PAIP2: variants seen among roughly 807,000 people sequenced by gnomAD.
PAIP2 encodes polyadenylate-binding protein-interacting protein 2.
In PAIP2, 7 loss-of-function variants were observed where a neutral mutation model predicts 14.8. That is an observed-to-expected ratio of 0.47 (90% CI 0.27 to 0.89). The LOEUF is 0.89. PAIP2 is among the 40% of genes least tolerant of loss of function. PAIP2 has a pLI of 0.13. For synonymous variants in PAIP2, 47 were observed against 45.3 expected (o/e 1.04, Z -0.15); for missense variants, 122 against 154.7 (o/e 0.79, Z 1.12).
intron 1 of PAIP2, among the ~76,000 whole-genome samples, chr5:139,350,893 A>G (rs1194716066): frequency 6.6e-6 from 1 of 152,176 alleles, no homozygotes. Flanking sequence ...AACATGAGGA[A>G]TAAGCTTTCA....
At chr5:139,355,319 A>G (rs906203913) in intron 1 of PAIP2, among the ~76,000 whole-genome samples, 8 of 150,476 alleles carry the variant, frequency 5.3e-5, no homozygotes, top group Non-Finnish European at 1.2e-4. Flanking sequence ...ACAGGCATGC[A>G]CCCCCATGCC....
rs1312278605 is a variant in PAIP2 at position 139,341,977 on chromosome 5, T to C, written c.-30T>C. 1 of 152,620 alleles carries C rather than the reference T, an allele frequency of 6.6e-6. No individual in the cohort carries two copies. Among genetic ancestry groups the C allele is most frequent in the Non-Finnish European group, 1.5e-5 (1 of 68,094 alleles). The allele number at this position is 152,620 out of a possible 1,614,324, so 9.5% of individuals were successfully genotyped here. A position where few individuals can be genotyped will look rare whatever the true frequency, so the allele number is the denominator to read the frequency against. ...TGGCTGCCGTCCCCGCTGCTGTGCA[T>C]TGGGTGAGGGGTCCTCTCGGGCAGA... On this transcript the variant is annotated 5_prime_UTR_variant, in exon 1 of 4. Transcript: ENST00000265192.
intron 3 of PAIP2, among the ~76,000 whole-genome samples, chr5:139,365,758 G>A (rs909796171): frequency 1.3e-5 from 2 of 152,178 alleles, no homozygotes; most frequent in Non-Finnish European, 2.9e-5. Flanking sequence ...TGTAGAGCTA[G>A]TCTTAGACGG....
intron 1 of PAIP2, among the ~76,000 whole-genome samples, chr5:139,363,448 T>C (rs1757130459): frequency 1.3e-5 from 2 of 152,152 alleles, no homozygotes; most frequent in Non-Finnish European, 2.9e-5. Flanking sequence ...CAGCTGGGCC[T>C]GGTGGCTCAT....
At chr5:139,346,228 G>T (rs1264040459) in intron 1 of PAIP2, among the ~76,000 whole-genome samples, 1 of 152,120 alleles carries the variant, frequency 6.6e-6, no homozygotes, top group African/African-American at 2.4e-5. Flanking sequence ...CTGTCGTCTA[G>T]AACAGGATTT....
At chr5:139,354,636 T>TA (rs1756852469) in intron 1 of PAIP2, among the ~76,000 whole-genome samples, 1 of 152,180 alleles carries the variant, frequency 6.6e-6, no homozygotes, top group African/African-American at 2.4e-5. Flanking sequence ...TTCCATTGTA[T>TA]ATATTTTGGC....
intron 1 of PAIP2, among the ~76,000 whole-genome samples, chr5:139,360,060 A>C (rs906162802): frequency 6.6e-6 from 1 of 151,872 alleles, no homozygotes; most frequent in African/African-American, 2.4e-5. Context: ...TCCACCTCTC[A>C]GGTTCAAGCG....
chr5:139,357,659 C>T (rs896018445), intron 1 of PAIP2, among the ~76,000 whole-genome samples: 15 of 152,144 alleles, frequency 9.9e-5, no homozygotes, highest in African/African-American at 3.4e-4. Context: ...GGTGAAACCC[C>T]GCCTCTACTA....
At chr5:139,358,100 C>G (rs936236933) in intron 1 of PAIP2, among the ~76,000 whole-genome samples, 1 of 152,058 alleles carries the variant, frequency 6.6e-6, no homozygotes, top group Admixed American at 6.6e-5. Flanking sequence ...ACAGCTGGGT[C>G]TGGAGGCCCA....
At chr5:139,343,856 TACAGGCGCTTGCCACC>T (rs1756458254) in intron 1 of PAIP2, among the ~76,000 whole-genome samples, 1 of 151,978 alleles carries the variant, frequency 6.6e-6, no homozygotes, top group Non-Finnish European at 1.5e-5. Context: ...TAGCTGGGAC[TACAGGCGCTTGCCACC>T]ACGCCGGCTA....
At chr5:139,347,294 G>C (rs1335393310) in intron 1 of PAIP2, among the ~76,000 whole-genome samples, 2 of 63,604 alleles carry the variant, frequency 3.1e-5, no homozygotes, top group Non-Finnish European at 6.1e-5. Context: ...TTTTTTTTAA[G>C]ACACAGTTCC....
chr5:139,350,155 G>A (rs1245632821), intron 1 of PAIP2, among the ~76,000 whole-genome samples: 1 of 146,726 alleles, frequency 6.8e-6, no homozygotes, highest in African/African-American at 2.5e-5. Flanking sequence ...AGCCTGGGCA[G>A]CAAAGGCGAG....
intron 1 of PAIP2, among the ~76,000 whole-genome samples, chr5:139,353,371 C>T (rs1202229384): frequency 6.6e-6 from 1 of 152,096 alleles, no homozygotes; most frequent in Non-Finnish European, 1.5e-5. Context: ...GGTTTGAGCT[C>T]ATTGACTCTT....
At chr5:139,366,734 C>A (rs1486633092) in intron 3 of PAIP2, among the ~76,000 whole-genome samples, 1 of 152,166 alleles carries the variant, frequency 6.6e-6, no homozygotes, top group Non-Finnish European at 1.5e-5. Context: ...TACTTTGTTT[C>A]ATTCTTCTGT....
intron 3 of PAIP2, among the ~76,000 whole-genome samples, chr5:139,365,975 G>A (rs542793631): frequency 3.9e-5 from 6 of 152,238 alleles, no homozygotes; most frequent in African/African-American, 1.4e-4. Flanking sequence ...GCCGAGGCAC[G>A]CGGATCACGA....
At chr5:139,349,363 C>T (rs1051716336) in intron 1 of PAIP2, among the ~76,000 whole-genome samples, 1 of 152,166 alleles carries the variant, frequency 6.6e-6, no homozygotes, top group Non-Finnish European at 1.5e-5. Flanking sequence ...ATTCTCCTGC[C>T]TCAGCTTCCT....
chr5:139,365,401 A>G (rs1361921956), intron 3 of PAIP2, among the ~76,000 whole-genome samples: 1 of 151,550 alleles, frequency 6.6e-6, no homozygotes, highest in African/African-American at 2.4e-5. Flanking sequence ...GAGGCAGGAG[A>G]ATTGCTTGAA....
chr5:139,346,830 T>C (rs531940668), intron 1 of PAIP2, among the ~76,000 whole-genome samples: 1 of 150,868 alleles, frequency 6.6e-6, no homozygotes, highest in African/African-American at 2.4e-5. Context: ...TATTTTTATT[T>C]TTTGAGATGC....
At chr5:139,351,093 G>C (rs1756717241) in intron 1 of PAIP2, among the ~76,000 whole-genome samples, 1 of 152,122 alleles carries the variant, frequency 6.6e-6, no homozygotes, top group South Asian at 2.1e-4. Context: ...GTCATTTTTA[G>C]CTCATCTGAT....
Sources: gnomAD v4.1 joint callset for allele counts (sites outside exome capture counted in the v4.1 genomes callset) on GRCh38, gnomAD v4.1.1 for gene constraint, MANE v1.5 for transcripts, NCBI Gene and HGNC (gene_info 2026-07-23, HGNC 2026-07-21) for gene names.